Variants in TSPAN10 observed in about 807,000 individuals in gnomAD.
TSPAN10 encodes the protein tetraspanin 10, also known as tetraspanin-10.
Under a neutral mutation model 15.0 loss-of-function variants are expected in TSPAN10, and 11 were observed. The ratio of observed to expected loss-of-function variants is 0.73; its 90% CI spans 0.46 to 1.21. The LOEUF is 1.21. TSPAN10 is among the 50% of genes most tolerant of loss of function. The probability of loss-of-function intolerance (pLI) is 0.00; values close to 1 mark genes in which losing one functional copy is unlikely to be tolerated. For missense variants in TSPAN10, 486 were observed against 470.6 expected (o/e 1.03, Z -0.30); for synonymous variants, 241 against 226.2 (o/e 1.07, Z -0.59).
intron 1 of TSPAN10, 137 bp downstream of exon 2, chr17:81,642,585 GA>G (rs2036189064): frequency 6.8e-6 from 6 of 884,524 alleles, no homozygotes; most frequent in South Asian, 1.7e-5. Context: ...AGATTGGGTT[GA>G]GGGGGGTGGT....
At chr17:81,645,544 C>G in exon 2 of TSPAN10, 3 of 1,607,738 alleles carry the variant, frequency 1.9e-6, no homozygotes, top group South Asian at 2.2e-5. Context: ...CCAGGACGAC[C>G]CAGACCTGCG....
At position 81,645,641 on chromosome 17, in the gene TSPAN10, A is replaced by G. The variant is rs1598711493; in HGVS notation, c.674+12A>G. 1 of 1,610,910 alleles carries G rather than the reference A, an allele frequency of 6.2e-7. No homozygotes were observed. On this transcript the variant is annotated intron_variant, in intron 2 of 2. Coordinates refer to ENST00000611590, the Ensembl canonical transcript of TSPAN10. Reference sequence around the variant, plus strand: ...TGGCAGCAGAACCTGTGAGTCTTGGAGTGGGCGAGGGACAGGGCCACCACA... The same window carrying G: ...TGGCAGCAGAACCTGTGAGTCTTGGGGTGGGCGAGGGACAGGGCCACCACA...
chr17:81,648,366 G>C (rs7406522), downstream of TSPAN10: 3 of 1,170,794 alleles, frequency 2.6e-6, no homozygotes, highest in Non-Finnish European at 3.2e-6. Context: ...TAAAAAGCGC[G>C]GCCTGCGCCG....
At chr17:81,640,078 G>A (rs966246810), upstream of TSPAN10, among the ~76,000 whole-genome samples, 1 of 152,080 alleles carries the variant, frequency 6.6e-6, no homozygotes, top group African/African-American at 2.4e-5. Flanking sequence ...GACTTCCCAG[G>A]CTCAGGTGAT....
At chr17:81,646,844 G>GTTT (rs1568180818) in intron 2 of TSPAN10, among the ~76,000 whole-genome samples, 3,609 of 60,968 alleles carry the variant, frequency 0.059, 164 homozygotes, top group African/African-American at 0.22. Flanking sequence ...TCTTTTTGTT[G>GTTT]GTTTGTTTGT....
chr17:81,640,862 T>C (rs2036171613), upstream of TSPAN10, among the ~76,000 whole-genome samples: 1 of 152,078 alleles, frequency 6.6e-6, no homozygotes, highest in Non-Finnish European at 1.5e-5. Flanking sequence ...TAGATGATGA[T>C]CGTTTCATTA....
downstream of TSPAN10, chr17:81,648,305 C>A: frequency 8.3e-7 from 1 of 1,205,454 alleles, no homozygotes; most frequent in Non-Finnish European, 1.0e-6. Flanking sequence ...GCGCACGCCC[C>A]GAGGTCCGAG....
exon 2 of TSPAN10, chr17:81,645,010 C>T (rs1201045594): frequency 1.9e-6 from 3 of 1,610,980 alleles, no homozygotes; most frequent in Non-Finnish European, 1.7e-6. Context: ...AGGCCAGAAG[C>T]CCCTCTCTGT....
intron 2 of TSPAN10, 177 bp from the exon 4 acceptor site, chr17:81,647,724 G>C (rs1037489796): frequency 1.5e-6 from 1 of 678,356 alleles, no homozygotes; most frequent in Non-Finnish European, 2.6e-6. Flanking sequence ...TAGAGAGCCA[G>C]GTGCTGTGTG....
chr17:81,639,062 A>G (rs2036151787), upstream of TSPAN10: 2 of 152,164 alleles, frequency 1.3e-5, no homozygotes, highest in African/African-American at 4.8e-5. Flanking sequence ...ACACCCAGGA[A>G]TGAACAAGGA....
chr17:81,647,859 G>A, intron 2 of TSPAN10, 42 bp from the exon 4 acceptor site: 3 of 1,571,874 alleles, frequency 1.9e-6, no homozygotes, highest in Non-Finnish European at 2.6e-6. Context: ...CCAGAAGAGC[G>A]GGCCCTCCCC....
exon 3 of TSPAN10, chr17:81,648,043 G>C (rs766826212): frequency 2.5e-6 from 4 of 1,595,966 alleles, no homozygotes; most frequent in Non-Finnish European, 3.4e-6. Flanking sequence ...AGCTCAGAGA[G>C]TGGTGTACCT....
At position 81,648,138 on chromosome 17, in the gene TSPAN10, G is replaced by A. The variant is rs765836315; in HGVS notation, c.912G>A (p.Leu304=). 13 of 1,533,144 alleles carry A rather than the reference G, an allele frequency of 8.5e-6. 1 individual carries two copies. The highest frequency in any genetic ancestry group is 2.0e-4 in the Middle Eastern group (1 of 4,924). The allele number at this position is 1,533,144 out of a possible 1,614,324, so 95.0% of individuals were successfully genotyped here. A position where few individuals can be genotyped will look rare whatever the true frequency, so the allele number is the denominator to read the frequency against. The change falls in exon 3 of 3, where the codon CTG becomes CTA. Residue 304 remains leucine (L), a synonymous_variant. Transcript: ENST00000611590. Reference sequence around the variant, plus strand: ...GCTACGCAATCGCGGTGGTGCTGCTGCAGGGCGCGGAGCTCCTGCTGGCCG... The same window carrying A: ...GCTACGCAATCGCGGTGGTGCTGCTACAGGGCGCGGAGCTCCTGCTGGCCG...
chr17:81,637,472 T>G, upstream of TSPAN10: 1 of 681,692 alleles, frequency 1.5e-6, no homozygotes, highest in Non-Finnish European at 2.7e-6. Context: ...TAAGTATTTT[T>G]TAAATTTAAC....
At chr17:81,644,080 C>G (rs919864154) in intron 1 of TSPAN10, among the ~76,000 whole-genome samples, 1 of 150,944 alleles carries the variant, frequency 6.6e-6, no homozygotes, top group Non-Finnish European at 1.5e-5. Flanking sequence ...AATTCCCGAC[C>G]TCAGGTGATC....
At chr17:81,639,141 G>T (rs1264976943), upstream of TSPAN10, 1 of 148,516 alleles carries the variant, frequency 6.7e-6, no homozygotes, top group East Asian at 2.1e-4. Flanking sequence ...AATTATCTCA[G>T]TTATAAGAAA....
intron 1 of TSPAN10, among the ~76,000 whole-genome samples, chr17:81,643,768 A>C (rs1241118868): frequency 5.3e-5 from 8 of 152,056 alleles, no homozygotes; most frequent in Non-Finnish European, 1.0e-4. Flanking sequence ...TTCCTGGTGA[A>C]ACTGGATTGG....
At position 81,643,528 on chromosome 17, in the gene TSPAN10, G is replaced by A. The variant is rs537638677; in HGVS notation, c.36+1080G>A. ...TGGGAGGCTGAGGCAGGAGAATGGC[G>A]TGAACCCGGGAGGCGGAGCTTGCAG... On this transcript the variant is annotated intron_variant, in intron 1 of 2. Coordinates refer to ENST00000611590, the Ensembl canonical transcript of TSPAN10. Among the ~76,000 whole-genome samples the A allele has an allele frequency of 1.6e-4, 8 of 49,006 alleles. 1 individual carries two copies. The South Asian group carries it at 3.9e-3, about 24-fold the overall frequency. The allele number at this position is 49,006 out of a possible 152,430, so 32.1% of individuals were successfully genotyped here. A position where few individuals can be genotyped will look rare whatever the true frequency, so the allele number is the denominator to read the frequency against.
chr17:81,642,635 T>A (rs1414986466), intron 1 of TSPAN10, among the ~76,000 whole-genome samples, 187 bp downstream of exon 2: 3 of 152,190 alleles, frequency 2.0e-5, no homozygotes, highest in Non-Finnish European at 4.4e-5. Flanking sequence ...TGCGCAGTTC[T>A]CTCAGCCCCA....
Sources: gnomAD v4.1 joint callset for allele counts (sites outside exome capture counted in the v4.1 genomes callset) on GRCh38, gnomAD v4.1.1 for gene constraint, MANE v1.5 for transcripts, NCBI Gene and HGNC (gene_info 2026-07-23, HGNC 2026-07-21) for gene names.